Variants in DPP10 observed in about 807,000 individuals in gnomAD.
DPP10 encodes inactive dipeptidyl peptidase 10.
In DPP10, 33 loss-of-function variants were observed where a neutral mutation model predicts 120.9. The observed-to-expected ratio is 0.27, with a 90% CI of 0.21 to 0.37. DPP10 has a LOEUF of 0.37. Ranked by LOEUF, DPP10 falls within the 10% of genes least tolerant of loss-of-function variation. The pLI, the probability that DPP10 is intolerant of heterozygous loss-of-function variation, is 1.00. For missense variants in DPP10, 816 were observed against 942.8 expected, an observed-to-expected ratio of 0.87 and a Z score of 1.76; for synonymous variants, 337 against 326.1, an observed-to-expected ratio of 1.03 and a Z score of -0.36.
intron 1 of DPP10, among the ~76,000 whole-genome samples, chr2:114,479,623 C>T (rs1358238091): frequency 6.6e-6 from 1 of 152,074 alleles, no homozygotes; most frequent in African/African-American, 2.4e-5. Flanking sequence ...GAAAGGATTC[C>T]CTATTTAATA....
chr2:115,323,326 G>A (rs1228345359), intron 2 of DPP10, among the ~76,000 whole-genome samples: 1 of 152,138 alleles, frequency 6.6e-6, no homozygotes, highest in East Asian at 1.9e-4. Context: ...TGAGATTGCA[G>A]CAGTTCAGTT....
chr2:114,544,552 C>T (rs1319001264), intron 1 of DPP10, among the ~76,000 whole-genome samples: 1 of 152,094 alleles, frequency 6.6e-6, no homozygotes, highest in East Asian at 1.9e-4. Context: ...TTCTCTTTGT[C>T]AGCATTTGTT....
chr2:115,654,026 A>T (rs2088053308), intron 5 of DPP10, among the ~76,000 whole-genome samples: 1 of 151,880 alleles, frequency 6.6e-6, no homozygotes, highest in Non-Finnish European at 1.5e-5. Flanking sequence ...TAAAAATTTT[A>T]AAATTCGTAA....
intron 1 of DPP10, among the ~76,000 whole-genome samples, chr2:115,010,975 G>A (rs10170456): frequency 0.018 from 2,759 of 152,138 alleles, 80 homozygotes; most frequent in African/African-American, 0.064. Flanking sequence ...AAATATTGGC[G>A]CAAATTTGTC....
At position 114,719,694 on chromosome 2, in the gene DPP10, T is replaced by A. The variant is rs185852858; in HGVS notation, c.60+276856T>A. Among the ~76,000 whole-genome samples the A allele has an allele frequency of 1.3e-3, 196 of 152,262 alleles. 1 individual carries two copies. Among genetic ancestry groups the A allele is most frequent in the African/African-American group, 4.6e-3 (192 of 41,546 alleles). On this transcript the variant is annotated intron_variant, in intron 1 of 25. Transcript: ENST00000410059. ...GAAAATCAAATGACAAAAGGCATAT[T>A]AATAGGAGAAAAGACATATAAGTTT...
intron 2 of DPP10, among the ~76,000 whole-genome samples, chr2:115,334,235 T>TTGTTTTTTG (rs2062974607): frequency 7.5e-6 from 1 of 133,148 alleles, no homozygotes; most frequent in Admixed American, 7.8e-5. Flanking sequence ...ACTCTGTTTT[T>TTGTTTTTTG]TTTTTTTTTT....
chr2:114,516,930 T>C (rs1413799246), intron 1 of DPP10, among the ~76,000 whole-genome samples: 1 of 152,110 alleles, frequency 6.6e-6, no homozygotes, highest in Non-Finnish European at 1.5e-5. Context: ...ATACTGCTAA[T>C]GGGGAAAAAA....
intron 1 of DPP10, among the ~76,000 whole-genome samples, chr2:114,684,976 T>C (rs1418623958): frequency 1.3e-5 from 2 of 151,964 alleles, no homozygotes; most frequent in Non-Finnish European, 2.9e-5. Flanking sequence ...TCCTAATTTG[T>C]CTGTATGGAG....
intron 5 of DPP10, among the ~76,000 whole-genome samples, chr2:115,645,414 C>A (rs1230574554): frequency 6.6e-6 from 1 of 152,122 alleles, no homozygotes; most frequent in Non-Finnish European, 1.5e-5. Flanking sequence ...TCAGATGAGT[C>A]CTGTGATACT....
chr2:115,574,822 G>A (rs758057436), intron 5 of DPP10, among the ~76,000 whole-genome samples: 6 of 152,130 alleles, frequency 3.9e-5, no homozygotes, highest in Non-Finnish European at 8.8e-5. Context: ...CTCTCACATT[G>A]TCCCCTTGAT....
chr2:115,775,823 C>G lies in DPP10; in HGVS notation c.1222-1385C>G, dbSNP rs138957771. ...AAAAAATTAACTCTTATTTTTTGAA[C>G]AGAAATGCAAAATTTACTTAAAATT... On this transcript the variant is annotated intron_variant, in intron 13 of 25. Coordinates refer to ENST00000410059, the MANE Select transcript of DPP10 (RefSeq NM_020868.6). Among the ~76,000 whole-genome samples, 294 of 152,024 alleles carry G rather than the reference C, an allele frequency of 1.9e-3. 3 individuals are homozygous for G. The highest frequency in any genetic ancestry group is 6.6e-3 in the African/African-American group (274 of 41,496).
At chr2:115,034,677 G>A (rs762787021) in intron 1 of DPP10, among the ~76,000 whole-genome samples, 1 of 152,144 alleles carries the variant, frequency 6.6e-6, no homozygotes, top group Non-Finnish European at 1.5e-5. Flanking sequence ...ATAATTCTTA[G>A]TTAACACTAA....
At chr2:114,576,647 G>A (rs1349211088) in intron 1 of DPP10, among the ~76,000 whole-genome samples, 1 of 152,092 alleles carries the variant, frequency 6.6e-6, no homozygotes, top group Non-Finnish European at 1.5e-5. Flanking sequence ...GGAGTGGCAA[G>A]CAAACAAACA....
chr2:115,840,824 G>A lies in DPP10; in HGVS notation c.2256+1G>A. 1 of 1,608,738 alleles carries A rather than the reference G, an allele frequency of 6.2e-7. No homozygotes were observed. Among genetic ancestry groups the A allele is most frequent in the Non-Finnish European group, 8.5e-7 (1 of 1,177,202 alleles). On this transcript the variant is annotated splice_donor_variant, in intron 25 of 25. Coordinates refer to ENST00000410059, the MANE Select transcript of DPP10 (RefSeq NM_020868.6). LOFTEE classifies it high-confidence loss of function. The stretch of plus-strand genomic sequence containing the variant: ...AGCTGGAGTGAATTATACTATGCAG[G>A]TAAGCTACTTTCTTAGAAGAACGTG...
At chr2:115,198,340 T>C (rs2055438667) in intron 1 of DPP10, among the ~76,000 whole-genome samples, 1 of 152,222 alleles carries the variant, frequency 6.6e-6, no homozygotes, top group Non-Finnish European at 1.5e-5. Flanking sequence ...CTCAGCTTTA[T>C]GGCACCACTT....
intron 1 of DPP10, among the ~76,000 whole-genome samples, chr2:114,475,337 G>A (rs1443397475): frequency 1.3e-5 from 2 of 152,116 alleles, no homozygotes; most frequent in South Asian, 2.1e-4. Flanking sequence ...TATATATCAG[G>A]CCTCATATTA....
Position 115,835,094 on chromosome 2 carries a change from C to T in DPP10, c.1951-1063C>T, listed in dbSNP as rs377507874. ...GAGCTTGAAGTGAGCCGAGATCGCA[C>T]CACTGCACTCCAGCCTGGACCACAG... On this transcript the variant is annotated intron_variant, in intron 21 of 25. Transcript: ENST00000410059. Among the ~76,000 whole-genome samples, 61 of 151,582 alleles carry T rather than the reference C, an allele frequency of 4.0e-4. 1 individual carries two copies. In the South Asian group the frequency reaches 5.6e-3, roughly 14 times the overall value.
intron 1 of DPP10, among the ~76,000 whole-genome samples, chr2:114,958,957 C>A (rs1053981015): frequency 1.3e-5 from 2 of 152,238 alleles, no homozygotes; most frequent in South Asian, 4.1e-4. Flanking sequence ...GTTAGAGGTA[C>A]AGCAAATGAT....
intron 19 of DPP10, among the ~76,000 whole-genome samples, chr2:115,796,332 C>A (rs1014872605): frequency 2.0e-5 from 3 of 152,144 alleles, no homozygotes; most frequent in African/African-American, 7.2e-5. Context: ...ACAACATTTA[C>A]TTTGCTTTCT....
Sources: gnomAD v4.1 joint callset for allele counts (sites outside exome capture counted in the v4.1 genomes callset) on GRCh38, gnomAD v4.1.1 for gene constraint, MANE v1.5 for transcripts, NCBI Gene and HGNC (gene_info 2026-07-23, HGNC 2026-07-21) for gene names.